Variants in HS3ST5 observed in about 807,000 individuals in gnomAD.
The protein encoded by HS3ST5 is heparan sulfate-glucosamine 3-sulfotransferase 5, also known as heparan sulfate glucosamine 3-O-sulfotransferase 5.
HS3ST5 carries 10 observed loss-of-function variants against 25.4 expected under a neutral mutation model. That is an observed-to-expected ratio of 0.39 (90% CI 0.24 to 0.67). The LOEUF (loss-of-function observed/expected upper bound fraction) is 0.67. Among genes scored for constraint, HS3ST5 ranks in the 30% least tolerant of loss-of-function variants. The pLI is 0.44. For synonymous variants in HS3ST5, 170 were observed against 162.4 expected (o/e 1.05, Z -0.36); for missense variants, 324 against 420.7 (o/e 0.77, Z 2.01).
At chr6:114,137,093 T>C (rs1315175132) in intron 3 of HS3ST5, among the ~76,000 whole-genome samples, 5 of 152,190 alleles carry the variant, frequency 3.3e-5, no homozygotes, top group Non-Finnish European at 7.3e-5. Flanking sequence ...TAATGTATCA[T>C]AGCAATCTTG....
At chr6:114,073,376 T>G (rs1388045291) in intron 3 of HS3ST5, among the ~76,000 whole-genome samples, 1 of 152,074 alleles carries the variant, frequency 6.6e-6, no homozygotes, top group Non-Finnish European at 1.5e-5. Flanking sequence ...GGGAGAAAAT[T>G]TTTGCAATGT....
chr6:114,189,786 C>T (rs1780410050), intron 2 of HS3ST5, among the ~76,000 whole-genome samples: 1 of 152,066 alleles, frequency 6.6e-6, no homozygotes, highest in Non-Finnish European at 1.5e-5. Context: ...AATTAGATGC[C>T]TTCCTGAAGC....
chr6:114,072,905 T>C, intron 3 of HS3ST5, among the ~76,000 whole-genome samples: 1 of 152,124 alleles, frequency 6.6e-6, no homozygotes, highest in African/African-American at 2.4e-5. Context: ...ACTACAAGGC[T>C]ACAGTAACCA....
chr6:114,273,190 G>A (rs1262808120), intron 1 of HS3ST5, among the ~76,000 whole-genome samples: 13 of 151,934 alleles, frequency 8.6e-5, no homozygotes, highest in Admixed American at 8.5e-4. Context: ...GGGGGTAAGT[G>A]GTCAAATTTG....
chr6:114,116,433 CCT>C (rs1402637026), intron 3 of HS3ST5, among the ~76,000 whole-genome samples: 7 of 152,030 alleles, frequency 4.6e-5, no homozygotes, highest in Admixed American at 4.6e-4. Context: ...AAGACCATAA[CCT>C]CTCTTTACCT....
intron 3 of HS3ST5, among the ~76,000 whole-genome samples, chr6:114,088,590 G>C (rs1774966778): frequency 6.6e-6 from 1 of 151,734 alleles, no homozygotes; most frequent in South Asian, 2.1e-4. Flanking sequence ...TAGAAGATAG[G>C]GACTATTTGA....
At chr6:114,240,502 A>G (rs1010480735) in intron 1 of HS3ST5, among the ~76,000 whole-genome samples, 7 of 152,206 alleles carry the variant, frequency 4.6e-5, no homozygotes, top group South Asian at 2.1e-4. Flanking sequence ...TGGAAAAAAA[A>G]TATTATTTGG....
chr6:114,072,875 G>A (rs1011462001), intron 3 of HS3ST5, among the ~76,000 whole-genome samples: 8 of 152,216 alleles, frequency 5.3e-5, no homozygotes, highest in South Asian at 2.1e-4. Flanking sequence ...GAGGCATCAC[G>A]CTGCCTGACT....
At chr6:114,218,296 T>G (rs1192722682) in intron 2 of HS3ST5, among the ~76,000 whole-genome samples, 1 of 152,064 alleles carries the variant, frequency 6.6e-6, no homozygotes, top group African/African-American at 2.4e-5. Context: ...CCGTGCCCGG[T>G]CTACATACAA....
intron 1 of HS3ST5, among the ~76,000 whole-genome samples, chr6:114,267,044 C>T (rs1210404921): frequency 2.0e-5 from 3 of 152,032 alleles, no homozygotes; most frequent in Non-Finnish European, 4.4e-5. Context: ...AGCCTTTGCC[C>T]AAAACATAGT....
In HS3ST5 at chr6:114,324,138, C is replaced by T. The variant is rs916046063; in HGVS notation, c.-339+18057G>A. Among the ~76,000 whole-genome samples the T allele has an allele frequency of 2.0e-5, 3 of 152,312 alleles. No homozygotes were observed. The South Asian group carries it at 6.2e-4, about 32-fold the overall frequency. On this transcript the variant is annotated intron_variant, in intron 1 of 4. Transcript: ENST00000312719. ...AGTTATTTTTGCACATATAATGTAA[C>T]TACATAAAAATGCTTACCCACTGTG...
chr6:114,076,399 G>C (rs188436214), intron 3 of HS3ST5, among the ~76,000 whole-genome samples: 1 of 152,322 alleles, frequency 6.6e-6, no homozygotes, highest in African/African-American at 2.4e-5. Flanking sequence ...CAACTGCATT[G>C]TGGTGGGAAA....
At chr6:114,094,188 T>C (rs956881396) in intron 3 of HS3ST5, among the ~76,000 whole-genome samples, 4 of 152,202 alleles carry the variant, frequency 2.6e-5, no homozygotes, top group Non-Finnish European at 5.9e-5. Flanking sequence ...CTGGATATAA[T>C]ATATGCCATT....
At chr6:114,127,062 ATC>A (rs1004258523) in intron 3 of HS3ST5, among the ~76,000 whole-genome samples, 4 of 152,138 alleles carry the variant, frequency 2.6e-5, no homozygotes, top group Admixed American at 2.6e-4. Flanking sequence ...ATAAAATGAC[ATC>A]TTTTAGTCCT....
chr6:114,304,984 A>G (rs1358843486), intron 1 of HS3ST5, among the ~76,000 whole-genome samples: 3 of 152,158 alleles, frequency 2.0e-5, no homozygotes, highest in African/African-American at 7.2e-5. Flanking sequence ...ATACTACACC[A>G]AAACTTGACA....
At chr6:114,246,609 T>C (rs564084674) in intron 1 of HS3ST5, among the ~76,000 whole-genome samples, 30 of 152,332 alleles carry the variant, frequency 2.0e-4, no homozygotes, top group Non-Finnish European at 3.1e-4. Flanking sequence ...GCAACGCTTA[T>C]ACAGCAGTGT....
chr6:114,305,730 A>G (rs935365244), intron 1 of HS3ST5, among the ~76,000 whole-genome samples: 1 of 152,172 alleles, frequency 6.6e-6, no homozygotes, highest in Non-Finnish European at 1.5e-5. Flanking sequence ...AGTAAATAAT[A>G]CAATCAGTCT....
intron 3 of HS3ST5, among the ~76,000 whole-genome samples, chr6:114,151,992 G>A (rs1169386846): frequency 6.6e-6 from 1 of 151,910 alleles, no homozygotes; most frequent in Non-Finnish European, 1.5e-5. Flanking sequence ...GTACGGTGGC[G>A]TGATCTCGGT....
At chr6:114,145,211 G>T (rs1260660286) in intron 3 of HS3ST5, among the ~76,000 whole-genome samples, 1 of 152,150 alleles carries the variant, frequency 6.6e-6, no homozygotes, top group African/African-American at 2.4e-5. Flanking sequence ...GGTTGGTCCT[G>T]ATAGCACATT....
Sources: allele counts gnomAD v4.1 joint callset (sites outside exome capture counted in the v4.1 genomes callset), GRCh38; gene constraint gnomAD v4.1.1; transcripts MANE v1.5; gene names NCBI Gene and HGNC (gene_info 2026-07-23, HGNC 2026-07-21).